Variants in CERS6 observed in about 807,000 individuals in gnomAD.
The protein encoded by CERS6 is LAG1 homolog, ceramide synthase 6.
A neutral mutation model predicts 56.8 loss-of-function variants in CERS6; 26 were observed. That is an observed-to-expected ratio of 0.46 (90% confidence interval 0.34 to 0.63). The LOEUF (loss-of-function observed/expected upper bound fraction) is 0.63, where lower values mean the gene tolerates loss of function less well. Ranked by LOEUF, CERS6 falls within the 30% of genes least tolerant of loss-of-function variation. The probability of loss-of-function intolerance (pLI) is 0.01; values close to 1 mark genes in which losing one functional copy is unlikely to be tolerated. For synonymous variants in CERS6, 164 were observed against 173.3 expected, an observed-to-expected ratio of 0.95 and a Z score of 0.42; for missense variants, 415 against 467.5, an observed-to-expected ratio of 0.89 and a Z score of 1.04.
chr2:168,457,262 G>A (rs1181121490), intron 1 of CERS6, among the ~76,000 whole-genome samples: 1 of 152,210 alleles, frequency 6.6e-6, no homozygotes, highest in African/African-American at 2.4e-5. Flanking sequence ...CTTTAAAAGA[G>A]GATGTGACAG....
intron 1 of CERS6, among the ~76,000 whole-genome samples, chr2:168,541,594 A>G (rs1695371533): frequency 1.3e-5 from 2 of 151,586 alleles, no homozygotes; most frequent in South Asian, 4.1e-4. Flanking sequence ...TAGATTATGT[A>G]TCCTGGGCAT....
chr2:168,732,956 A>G, intron 8 of CERS6, among the ~76,000 whole-genome samples: 1 of 152,278 alleles, frequency 6.6e-6, no homozygotes, highest in South Asian at 2.1e-4. Flanking sequence ...TCAAATAGCT[A>G]TATTTACGTA....
rs1262568818 is a variant in CERS6 at position 168,631,602 on chromosome 2, TATATA to T, written c.465+566_465+570del. The stretch of plus-strand genomic sequence containing the variant: ...ATATATTTAATATTTATATATTAAA[TATATA>T]ATATATTTAATATTTATATAATATA... On this transcript the variant is annotated intron_variant, in intron 4 of 9. Transcript: ENST00000305747. 2.7e-5 allele frequency among the ~76,000 whole-genome samples: 3 copies of T among 112,212 alleles called. No homozygotes were observed. In the East Asian group the frequency reaches 7.1e-4, roughly 27 times the overall value. 73.6% of individuals were successfully genotyped at this position (112,212 alleles called of 152,430 possible). A position where few individuals can be genotyped will look rare whatever the true frequency, so the allele number is the denominator to read the frequency against.
rs906395739 is a variant in CERS6 at position 168,734,495 on chromosome 2, G to A, written c.845+16517G>A. Among the ~76,000 whole-genome samples, 24 of 152,172 alleles carry A rather than the reference G, an allele frequency of 1.6e-4. 1 individual carries two copies. The highest frequency in any genetic ancestry group is 1.3e-3 in the Admixed American group (20 of 15,280). On this transcript the variant is annotated intron_variant, in intron 8 of 9. Coordinates refer to ENST00000305747, the MANE Select transcript of CERS6 (RefSeq NM_203463.3). ...GAACCATTTATGCCACTATAAATAG[G>A]AAGCTAACACTGAACCTGATGAACG...
chr2:168,479,749 C>T lies in CERS6; in HGVS notation c.170+23131C>T, dbSNP rs184666177. Among the ~76,000 whole-genome samples the T allele has an allele frequency of 1.8e-3, 274 of 152,282 alleles. 1 individual carries two copies. The highest frequency in any genetic ancestry group is 6.4e-3 in the African/African-American group (264 of 41,568). On this transcript the variant is annotated intron_variant, in intron 1 of 9. Transcript: ENST00000305747. Reference sequence around the variant, plus strand: ...TCAGCCTCCTGAGTAGCTGGGATTACAGGCATGTGCCACCACACCCAGCTA... The same window carrying T: ...TCAGCCTCCTGAGTAGCTGGGATTATAGGCATGTGCCACCACACCCAGCTA...
chr2:168,556,395 C>T (rs575198933), intron 2 of CERS6, among the ~76,000 whole-genome samples: 1 of 152,220 alleles, frequency 6.6e-6, no homozygotes, highest in African/African-American at 2.4e-5. Context: ...TCCATGGATG[C>T]TGAAACCTGA....
Position 168,456,875 on chromosome 2 carries a change from C to T in CERS6, c.170+257C>T, listed in dbSNP as rs1693674795. 6.6e-6 allele frequency among the ~76,000 whole-genome samples: 1 copy of T among 152,224 alleles called. No homozygotes were observed. Among genetic ancestry groups the T allele is most frequent in the Admixed American group, 6.5e-5 (1 of 15,292 alleles). ...CGTTAGGGTCGCCCCCTGCCCTCCT[C>T]CTGGGCCCTGCTCTCCTCCCGGCAA... is the stretch of plus-strand genomic sequence containing the variant. On this transcript the variant is annotated intron_variant, in intron 1 of 9. Coordinates refer to ENST00000305747, the MANE Select transcript of CERS6 (RefSeq NM_203463.3). The surrounding 1 kb of genome is among the most constrained non-coding windows in gnomAD (Gnocchi z 4.1).
intron 6 of CERS6, among the ~76,000 whole-genome samples, chr2:168,713,009 A>G (rs959892122): frequency 1.3e-5 from 2 of 152,088 alleles, no homozygotes; most frequent in African/African-American, 4.8e-5. Flanking sequence ...CTTCTACTAT[A>G]AGAGATCATT....
chr2:168,644,112 T>C, intron 4 of CERS6: 1 of 985,230 alleles, frequency 1.0e-6, no homozygotes, highest in South Asian at 4.7e-5. Flanking sequence ...TAATAGGAGA[T>C]ATGACTTGCT....
chr2:168,576,166 G>A (rs140159057), intron 3 of CERS6, among the ~76,000 whole-genome samples: 1 of 152,008 alleles, frequency 6.6e-6, no homozygotes, highest in East Asian at 1.9e-4. Flanking sequence ...CATGAAGGAC[G>A]CCTCCTACCC....
chr2:168,502,159 T>C (rs13033142), intron 1 of CERS6, among the ~76,000 whole-genome samples: 1 of 152,118 alleles, frequency 6.6e-6, no homozygotes, highest in Non-Finnish European at 1.5e-5. Flanking sequence ...GTCTACCTTG[T>C]TGGATCATTT....
intron 1 of CERS6, among the ~76,000 whole-genome samples, chr2:168,458,481 C>T (rs1693717524): frequency 6.6e-6 from 1 of 152,182 alleles, no homozygotes; most frequent in Admixed American, 6.5e-5. Flanking sequence ...ACTGGAAGTT[C>T]ATTTTTCCTC....
chr2:168,572,358 A>G (rs969005587), intron 3 of CERS6, among the ~76,000 whole-genome samples: 5 of 152,042 alleles, frequency 3.3e-5, no homozygotes, highest in South Asian at 4.1e-4. Context: ...TTAAATAACA[A>G]TCCTTTGTAA....
Position 168,765,483 on chromosome 2 carries a change from G to T in CERS6, c.846-109G>T, listed in dbSNP as rs369266570. On this transcript the variant is annotated intron_variant, in intron 8 of 9. Transcript: ENST00000305747. ...GCTTTCACACCATCCTGCCAGAGAG[G>T]GGGTAGTTGGGAGATATTGTTGACC... 22 of 1,076,456 alleles carry T rather than the reference G, an allele frequency of 2.0e-5. 1 individual carries two copies. The highest frequency in any genetic ancestry group is 1.0e-4 in the East Asian group (4 of 38,364). 66.7% of individuals were successfully genotyped at this position (1,076,456 alleles called of 1,614,324 possible).
chr2:168,593,411 GT>G (rs1382150199), intron 3 of CERS6, among the ~76,000 whole-genome samples: 1 of 152,148 alleles, frequency 6.6e-6, no homozygotes, highest in Non-Finnish European at 1.5e-5. Flanking sequence ...GGAAACCGCA[GT>G]TTTCTTGATT....
At chr2:168,590,411 G>A (rs1027854045) in intron 3 of CERS6, among the ~76,000 whole-genome samples, 2 of 152,032 alleles carry the variant, frequency 1.3e-5, no homozygotes, top group Non-Finnish European at 2.9e-5. Flanking sequence ...TTATATACAC[G>A]TATGTATGTA....
At chr2:168,714,294 T>C (rs1350812061) in intron 6 of CERS6, among the ~76,000 whole-genome samples, 1 of 152,228 alleles carries the variant, frequency 6.6e-6, no homozygotes, top group Non-Finnish European at 1.5e-5. Context: ...ATTTAGACCA[T>C]AGCACCACCT....
At chr2:168,640,217 A>T (rs1029615882) in intron 4 of CERS6, among the ~76,000 whole-genome samples, 1 of 152,208 alleles carries the variant, frequency 6.6e-6, no homozygotes, top group African/African-American at 2.4e-5. Flanking sequence ...ACATACATCA[A>T]ATTTCTGTGC....
chr2:168,538,241 C>CAAAA (rs59857969), intron 1 of CERS6, among the ~76,000 whole-genome samples: 1 of 98,858 alleles, frequency 1.0e-5, no homozygotes, highest in African/African-American at 4.0e-5. Context: ...GTGTAAAAAC[C>CAAAA]AAAAAAAAAA....
Sources: gnomAD v4.1 joint callset for allele counts (sites outside exome capture counted in the v4.1 genomes callset) on GRCh38, gnomAD v4.1.1 for gene constraint, Gnocchi (gnomAD v3.1) non-coding constraint, MANE v1.5 for transcripts, NCBI Gene and HGNC (gene_info 2026-07-23, HGNC 2026-07-21) for gene names.